SPINK4: variants seen among roughly 807,000 people sequenced by gnomAD.
SPINK4 encodes serine protease inhibitor Kazal-type 4.
SPINK4 carries 10 observed loss-of-function variants against 12.3 expected under a neutral mutation model. The observed-to-expected ratio is 0.81, with a 90% CI of 0.50 to 1.37. The LOEUF (loss-of-function observed/expected upper bound fraction) is 1.37, where lower values mean the gene tolerates loss of function less well. Among genes scored for constraint, SPINK4 ranks in the 40% most tolerant of loss-of-function variants. The pLI, the probability that SPINK4 is intolerant of heterozygous loss-of-function variation, is 0.00. For missense variants in SPINK4, 91 were observed against 109.0 expected (o/e 0.84, Z 0.73); for synonymous variants, 37 against 40.2 (o/e 0.92, Z 0.30).
intron 3 of SPINK4, among the ~76,000 whole-genome samples, chr9:33,247,156 C>T (rs1173278200): frequency 2.4e-5 from 3 of 122,552 alleles, no homozygotes; most frequent in South Asian, 3.1e-4. Flanking sequence ...AATTGCAGCA[C>T]AGAATTTTTT....
At position 33,248,395 on chromosome 9, in the gene SPINK4, G is replaced by C. The variant is rs368022526; in HGVS notation, c.216-31G>C. 1.6e-5 allele frequency: 26 copies of C among 1,613,254 alleles called. No homozygotes were observed. In the African/African-American group the frequency reaches 2.7e-4, roughly 17 times the overall value. ...ATGGTACACTACAGCTCCTGAGAAG[G>C]TAGCCTCATGCCTGTCTTCTTTGAT... On this transcript the variant is annotated intron_variant, in intron 3 of 3. Transcript: ENST00000379721.
chr9:33,243,357 G>A (rs1820257981), intron 1 of SPINK4, among the ~76,000 whole-genome samples: 1 of 152,100 alleles, frequency 6.6e-6, no homozygotes, highest in South Asian at 2.1e-4. Flanking sequence ...ACAGGTGTGT[G>A]CTACTGCAAC....
intron 2 of SPINK4, 22 bp from the exon 3 acceptor site, chr9:33,246,594 C>T: frequency 4.4e-6 from 7 of 1,603,558 alleles, no homozygotes; most frequent in Non-Finnish European, 5.1e-6. Flanking sequence ...CCTGAGTCCT[C>T]TCCCTCCCTT....
intron 1 of SPINK4, 70 bp downstream of exon 1, chr9:33,240,339 A>T: frequency 7.0e-7 from 1 of 1,423,590 alleles, no homozygotes; most frequent in Non-Finnish European, 9.5e-7. Flanking sequence ...GAGCAGAAGC[A>T]GGGCCTGGAG....
At chr9:33,242,513 G>C (rs1299367835) in intron 1 of SPINK4, among the ~76,000 whole-genome samples, 2 of 152,130 alleles carry the variant, frequency 1.3e-5, no homozygotes, top group Non-Finnish European at 2.9e-5. Context: ...GGGGCATGGA[G>C]AGGTGTACTG....
chr9:33,245,196 G>C, intron 2 of SPINK4, 44 bp downstream of exon 2: 1 of 1,585,212 alleles, frequency 6.3e-7, no homozygotes, highest in Non-Finnish European at 8.6e-7. Flanking sequence ...CTGCTGAGAG[G>C]AGTCCTCTCG....
chr9:33,242,217 C>T (rs140954188), intron 1 of SPINK4, among the ~76,000 whole-genome samples: 182 of 152,242 alleles, frequency 1.2e-3, no homozygotes, highest in Middle Eastern at 3.4e-3. Context: ...CCAAGTGCTG[C>T]GCAAAGGCAG....
chr9:33,241,099 G>A (rs967050154), intron 1 of SPINK4, among the ~76,000 whole-genome samples: 2 of 146,402 alleles, frequency 1.4e-5, no homozygotes, highest in African/African-American at 2.7e-5. Context: ...GGAGATGAGG[G>A]ACTAAGCCAT....
At chr9:33,246,762 TG>T (rs1400167060) in intron 3 of SPINK4, 34 bp downstream of exon 3, 3 of 1,595,064 alleles carry the variant, frequency 1.9e-6, no homozygotes, top group South Asian at 1.1e-5. Flanking sequence ...CTTGCTTGGG[TG>T]GGCCCCATCT....
rs942095672 is a variant in SPINK4 at position 33,244,708 on chromosome 9, A to G, written c.62-404A>G. On this transcript the variant is annotated intron_variant, in intron 1 of 3. Coordinates refer to ENST00000379721, the MANE Select transcript of SPINK4 (RefSeq NM_014471.3). ...GCGCGAGGGCTCTTGATGGCAGAAC[A>G]CAGCATCCACTACTATCTCCTTTCT... 4.6e-5 allele frequency among the ~76,000 whole-genome samples: 7 copies of G among 152,312 alleles called. 1 individual carries two copies. The South Asian group carries it at 1.2e-3, about 27-fold the overall frequency.
intron 1 of SPINK4, among the ~76,000 whole-genome samples, chr9:33,240,611 C>T (rs900782437): frequency 2.6e-5 from 4 of 152,190 alleles, no homozygotes; most frequent in African/African-American, 9.6e-5. Context: ...TCCCAGCTCT[C>T]AGGAGAGACT....
At chr9:33,248,244 T>G (rs1587781736) in intron 3 of SPINK4, 182 bp from the exon 4 acceptor site, 1 of 591,722 alleles carries the variant, frequency 1.7e-6, no homozygotes, top group Non-Finnish European at 2.9e-6. Flanking sequence ...AGGGGAAGGG[T>G]GTACAAAAAA....
Position 33,246,613 on chromosome 9 carries a change from C to T in SPINK4, c.103-3C>T. On this transcript the variant is annotated splice_polypyrimidine_tract_variant and splice_region_variant and intron_variant, in intron 2 of 3. Coordinates refer to ENST00000379721, the MANE Select transcript of SPINK4 (RefSeq NM_014471.3). The stretch of plus-strand genomic sequence containing the variant: ...AGTCCTCTCCCTCCCTTCTCTTCCA[C>T]AGCCCATCTGTGAACACATGGTAGA... 1 of 1,612,352 alleles carries T rather than the reference C, an allele frequency of 6.2e-7. No individual in the cohort carries two copies. Among genetic ancestry groups the T allele is most frequent in the South Asian group, 1.1e-5 (1 of 91,062 alleles).
chr9:33,248,355 G>A (rs2117889119), intron 3 of SPINK4, 71 bp from the exon 4 acceptor site: 1 of 1,541,066 alleles, frequency 6.5e-7, no homozygotes, highest in Non-Finnish European at 9.0e-7. Flanking sequence ...TGGATGGACT[G>A]TGCCAGGTCC....
intron 1 of SPINK4, among the ~76,000 whole-genome samples, chr9:33,243,837 C>G (rs1045301145): frequency 1.3e-5 from 2 of 152,154 alleles, no homozygotes; most frequent in Non-Finnish European, 2.9e-5. Context: ...TGTGGAAATA[C>G]CCTGTAATAG....
intron 1 of SPINK4, among the ~76,000 whole-genome samples, chr9:33,241,604 C>A (rs1019269754): frequency 6.6e-6 from 1 of 152,198 alleles, no homozygotes; most frequent in Non-Finnish European, 1.5e-5. Context: ...TTACGCCCAG[C>A]CTGGCACCTA....
At chr9:33,247,230 C>G (rs975387620) in intron 3 of SPINK4, among the ~76,000 whole-genome samples, 3 of 147,928 alleles carry the variant, frequency 2.0e-5, no homozygotes, top group African/African-American at 7.4e-5. Flanking sequence ...ACGATCTTGG[C>G]TCATTGCAAC....
intron 1 of SPINK4, among the ~76,000 whole-genome samples, chr9:33,243,010 G>T (rs1234772016): frequency 6.6e-6 from 1 of 151,238 alleles, no homozygotes; most frequent in Non-Finnish European, 1.5e-5. Flanking sequence ...CAAGTAGCTG[G>T]GACTACAGGT....
intron 1 of SPINK4, among the ~76,000 whole-genome samples, chr9:33,242,523 G>A (rs1820247504): frequency 6.6e-6 from 1 of 152,104 alleles, no homozygotes; most frequent in African/African-American, 2.4e-5. Context: ...GAGGTGTACT[G>A]GGAAGTCAGC....
Sources: allele counts gnomAD v4.1 joint callset (sites outside exome capture counted in the v4.1 genomes callset), GRCh38; gene constraint gnomAD v4.1.1; transcripts MANE v1.5; gene names NCBI Gene and HGNC (gene_info 2026-07-23, HGNC 2026-07-21).